Variants in RPS6KC1 observed in about 807,000 individuals in gnomAD.
RPS6KC1 encodes the protein inactive ribosomal protein S6 kinase delta-1.
RPS6KC1 carries 54 observed loss-of-function variants against 103.8 expected under a neutral mutation model. That is an observed-to-expected ratio of 0.52 (90% CI 0.42 to 0.65). The LOEUF (loss-of-function observed/expected upper bound fraction) is 0.65, where lower values mean the gene tolerates loss of function less well. Among genes scored for constraint, RPS6KC1 ranks in the 30% least tolerant of loss-of-function variants. The pLI, the probability that RPS6KC1 is intolerant of heterozygous loss-of-function variation, is 0.00. For missense variants in RPS6KC1, 1,151 were observed against 1,253.8 expected (o/e 0.92, Z 1.24); for synonymous variants, 439 against 438.7 (o/e 1.00, Z -0.01).
At chr1:213,540,097 G>T in the RPS6KC1 span, among the ~76,000 whole-genome samples, 1 of 152,060 alleles carries the variant, frequency 6.6e-6, no homozygotes, top group Non-Finnish European at 1.5e-5. Context: ...CTGAAGGTTG[G>T]GGTGGCTGTG....
At chr1:213,324,167 T>C in the RPS6KC1 span, among the ~76,000 whole-genome samples, 423 of 152,344 alleles carry the variant, frequency 2.8e-3, 1 homozygote, top group African/African-American at 0.01. Context: ...AAGAGAACAA[T>C]TATAGAGCTA....
rs377609641 is a variant in RPS6KC1, at chr1:213,159,207, A to G, written c.836-8651A>G. 2.0e-5 allele frequency among the ~76,000 whole-genome samples: 3 copies of G among 152,136 alleles called. No individual in the cohort carries two copies. The East Asian group carries it at 5.8e-4, about 29-fold the overall frequency. ...AAAGTGCTGAATTTTCCCCAGGGTT[A>G]CCACTGAAGGAAGAAAGTCTGGACG... On this transcript the variant is annotated intron_variant, in intron 6 of 14. Coordinates refer to ENST00000366960, the MANE Select transcript of RPS6KC1 (RefSeq NM_012424.6).
chr1:213,368,200 C>A, the RPS6KC1 span, among the ~76,000 whole-genome samples: 1 of 152,190 alleles, frequency 6.6e-6, no homozygotes, highest in Admixed American at 6.5e-5. Flanking sequence ...TAAAAGACCA[C>A]GTATTTCAGC....
At chr1:213,058,645 A>G (rs943032716) in intron 1 of RPS6KC1, among the ~76,000 whole-genome samples, 3 of 152,228 alleles carry the variant, frequency 2.0e-5, no homozygotes, top group East Asian at 3.9e-4. Flanking sequence ...ATACCATACA[A>G]TCTTGATTAT....
chr1:213,249,197 A>G (rs1358572657), intron 12 of RPS6KC1, among the ~76,000 whole-genome samples: 6 of 152,184 alleles, frequency 3.9e-5, no homozygotes, highest in African/African-American at 1.4e-4. Context: ...CTGCATTATT[A>G]TAAAGAAGAA....
At chr1:213,537,147 C>G in the RPS6KC1 span, among the ~76,000 whole-genome samples, 2 of 152,190 alleles carry the variant, frequency 1.3e-5, no homozygotes, top group Non-Finnish European at 2.9e-5. Context: ...TAATCCAAAT[C>G]TCAGGGCCTC....
At chr1:213,091,861 A>G (rs2080992483) in intron 3 of RPS6KC1, among the ~76,000 whole-genome samples, 2 of 152,216 alleles carry the variant, frequency 1.3e-5, no homozygotes, top group South Asian at 4.1e-4. Context: ...ATTTCACAGA[A>G]TTTAAAAAAT....
chr1:213,117,370 A>T lies in RPS6KC1; in HGVS notation c.432A>T (p.Ser144=). Residue 144 remains serine, a synonymous_variant, in exon 5 of 15, where the codon TCA becomes TCT. Transcript: ENST00000366960. ...SELIGPAEAH[S]DSLIDTFPEC... ...TAATTGGTCCTGCTGAAGCTCACTC[A>T]GATTCCCTCATTGATACCTTTCCTG... 1 of 1,611,008 alleles carries T rather than the reference A, an allele frequency of 6.2e-7. No individual in the cohort carries two copies. Among genetic ancestry groups the T allele is most frequent in the Middle Eastern group, 1.7e-4 (1 of 6,048 alleles).
chr1:213,624,305 T>C, the RPS6KC1 span, among the ~76,000 whole-genome samples: 1 of 152,186 alleles, frequency 6.6e-6, no homozygotes, highest in Non-Finnish European at 1.5e-5. Flanking sequence ...TTGGAGTAAA[T>C]GCAATGTATG....
the RPS6KC1 span, among the ~76,000 whole-genome samples, chr1:213,768,299 G>A: frequency 1.3e-4 from 20 of 152,036 alleles, no homozygotes; most frequent in African/African-American, 4.8e-4. Context: ...AAGACAATCT[G>A]TTTAAAACAA....
chr1:213,079,683 C>A (rs543878820), intron 3 of RPS6KC1, among the ~76,000 whole-genome samples: 16 of 151,838 alleles, frequency 1.1e-4, no homozygotes, highest in African/African-American at 3.4e-4. Flanking sequence ...CTCCCAAAGT[C>A]CTGGGATTAC....
the RPS6KC1 span, among the ~76,000 whole-genome samples, chr1:213,844,251 T>C: frequency 6.6e-6 from 1 of 152,194 alleles, no homozygotes; most frequent in East Asian, 1.9e-4. Flanking sequence ...CATTGCACAA[T>C]AGTAACTCTC....
the RPS6KC1 span, among the ~76,000 whole-genome samples, chr1:213,661,372 G>A: frequency 1.3e-5 from 2 of 152,158 alleles, no homozygotes; most frequent in Non-Finnish European, 2.9e-5. Context: ...GAAGTCAGTG[G>A]GGTGGAACGG....
chr1:213,197,641 T>C (rs1371646870), intron 8 of RPS6KC1, among the ~76,000 whole-genome samples: 1 of 152,174 alleles, frequency 6.6e-6, no homozygotes, highest in Non-Finnish European at 1.5e-5. Context: ...TGCTGCTGGT[T>C]TGTGTACATT....
At chr1:213,245,855 T>C (rs1051738721) in intron 12 of RPS6KC1, among the ~76,000 whole-genome samples, 27 of 152,228 alleles carry the variant, frequency 1.8e-4, no homozygotes, top group Admixed American at 1.8e-3. Flanking sequence ...GATCACCTTC[T>C]GTTATTTAAG....
intron 8 of RPS6KC1, among the ~76,000 whole-genome samples, chr1:213,207,551 C>T (rs977967598): frequency 6.6e-6 from 1 of 152,158 alleles, no homozygotes; most frequent in African/African-American, 2.4e-5. Context: ...AGCTCCAAGC[C>T]CCTGACTCTT....
At chr1:213,522,732 G>C in the RPS6KC1 span, among the ~76,000 whole-genome samples, 2 of 152,100 alleles carry the variant, frequency 1.3e-5, no homozygotes, top group East Asian at 3.8e-4. Flanking sequence ...TTTTCTTCTA[G>C]AGCTTCCTCA....
chr1:213,440,660 T>C, the RPS6KC1 span, among the ~76,000 whole-genome samples: 1 of 148,754 alleles, frequency 6.7e-6, no homozygotes, highest in Non-Finnish European at 1.5e-5. Context: ...ACAAACCAAG[T>C]TCAAGCAAGA....
chr1:213,741,137 CTG>C, the RPS6KC1 span, among the ~76,000 whole-genome samples: 3 of 150,224 alleles, frequency 2.0e-5, no homozygotes, highest in South Asian at 2.1e-4. Context: ...TAGGTAATAA[CTG>C]TATATTATTT....
Sources: allele counts gnomAD v4.1 joint callset (sites outside exome capture counted in the v4.1 genomes callset), GRCh38; gene constraint gnomAD v4.1.1; transcripts MANE v1.5; gene names NCBI Gene and HGNC (gene_info 2026-07-23, HGNC 2026-07-21).